The following MYO6 variants were observed in gnomAD, a reference collection of about 807,000 sequenced individuals.
MYO6 encodes myosin VI.
In MYO6, 74 loss-of-function variants were observed where a neutral mutation model predicts 178.7. That is an observed-to-expected ratio of 0.41 (90% CI 0.34 to 0.50). The LOEUF is 0.50. Among genes scored for constraint, MYO6 ranks in the 20% least tolerant of loss-of-function variants. MYO6 has a pLI of 0.09. For missense variants in MYO6, 1,330 were observed against 1,547.4 expected, an observed-to-expected ratio of 0.86 and a Z score of 2.36; for synonymous variants, 477 against 504.6, an observed-to-expected ratio of 0.95 and a Z score of 0.73.
intron 29 of MYO6, among the ~76,000 whole-genome samples, chr6:75,895,514 A>G (rs572796529): frequency 3.7e-4 from 56 of 150,502 alleles, no homozygotes; most frequent in African/African-American, 1.3e-3. Context: ...ATGTATATAT[A>G]TGAATTTTTT....
At chr6:75,864,673 A>T (rs1776497808) in intron 16 of MYO6, among the ~76,000 whole-genome samples, 1 of 152,192 alleles carries the variant, frequency 6.6e-6, no homozygotes. Flanking sequence ...GAGGCATGTG[A>T]CTTAAAAGAC....
chr6:75,880,771 C>A (rs12662879), intron 22 of MYO6, among the ~76,000 whole-genome samples: 3 of 152,010 alleles, frequency 2.0e-5, no homozygotes, highest in African/African-American at 7.2e-5. Context: ...TATAAGAAGC[C>A]GTTATATTGG....
At chr6:75,839,427 A>G (rs1773993545) in intron 7 of MYO6, among the ~76,000 whole-genome samples, 1 of 152,092 alleles carries the variant, frequency 6.6e-6, no homozygotes, top group South Asian at 2.1e-4. Flanking sequence ...AGCCCTCGAG[A>G]TCCGCCTGCC....
At chr6:75,847,487 C>G (rs1197246167) in intron 10 of MYO6, among the ~76,000 whole-genome samples, 1 of 151,526 alleles carries the variant, frequency 6.6e-6, no homozygotes, top group Non-Finnish European at 1.5e-5. Flanking sequence ...TTATGTTTCT[C>G]CTTCTAGTTT....
chr6:75,815,156 G>A (rs12212499), intron 1 of MYO6, among the ~76,000 whole-genome samples: 5,321 of 152,302 alleles, frequency 0.035, 109 homozygotes, highest in Non-Finnish European at 0.054. Context: ...TTTGAACTAA[G>A]ACGGTAGAGG....
In MYO6 at chr6:75,828,458, A is replaced by G. The variant is rs1235538043; in HGVS notation, c.188-82A>G. 1.0e-5 allele frequency: 9 copies of G among 873,500 alleles called. No individual in the cohort carries two copies. In the East Asian group the frequency reaches 1.7e-4, roughly 17 times the overall value. 54.1% of individuals were successfully genotyped at this position (873,500 alleles called of 1,614,324 possible). A position where few individuals can be genotyped will look rare whatever the true frequency, so the allele number is the denominator to read the frequency against. On this transcript the variant is annotated intron_variant, in intron 3 of 34. Coordinates refer to ENST00000369977, the MANE Select transcript of MYO6 (RefSeq NM_004999.4). ...AACAATTGATTTTTAGGATGAGTCAAAGTGATTCAGATTAAGATAGTATTG... is the reference window on the plus strand; with the variant it reads ...AACAATTGATTTTTAGGATGAGTCAGAGTGATTCAGATTAAGATAGTATTG...
intron 1 of MYO6, among the ~76,000 whole-genome samples, chr6:75,777,577 G>A (rs185540993): frequency 3.8e-4 from 57 of 151,770 alleles, no homozygotes; most frequent in Non-Finnish European, 6.5e-4. Flanking sequence ...ACAGGTATGC[G>A]CCACCACACC....
chr6:75,767,237 G>T (rs1778503137), intron 1 of MYO6, among the ~76,000 whole-genome samples: 1 of 151,988 alleles, frequency 6.6e-6, no homozygotes. Flanking sequence ...TGTTGACTAG[G>T]CTGGTCTCGA....
chr6:75,864,955 G>T (rs1776524273), intron 16 of MYO6, among the ~76,000 whole-genome samples: 1 of 152,136 alleles, frequency 6.6e-6, no homozygotes, highest in Admixed American at 6.5e-5. Context: ...GAAATGGTAG[G>T]TTGGGAGTCA....
At chr6:75,826,592 C>T (rs948405071) in intron 3 of MYO6, among the ~76,000 whole-genome samples, 5 of 152,000 alleles carry the variant, frequency 3.3e-5, no homozygotes, top group South Asian at 2.1e-4. Context: ...GAAAGAGGAA[C>T]GTGTAGACCA....
At chr6:75,836,192 G>C (rs1773625833) in intron 7 of MYO6, among the ~76,000 whole-genome samples, 1 of 152,172 alleles carries the variant, frequency 6.6e-6, no homozygotes, top group South Asian at 2.1e-4. Context: ...CCCTTAGAAT[G>C]GTAACTGATA....
intron 18 of MYO6, 134 bp from the exon 19 acceptor site, chr6:75,870,513 T>G (rs1777061792): frequency 2.8e-6 from 2 of 720,672 alleles, no homozygotes; most frequent in South Asian, 3.2e-5. Flanking sequence ...ACCAGGAGGT[T>G]GTTAAACTGG....
At chr6:75,840,275 C>T (rs1239521973) in intron 7 of MYO6, among the ~76,000 whole-genome samples, 5 of 151,408 alleles carry the variant, frequency 3.3e-5, no homozygotes, top group Non-Finnish European at 2.9e-5. Context: ...AATTCTCCTG[C>T]CTCAGTCTCC....
At chr6:75,767,718 G>A (rs1778562508) in intron 1 of MYO6, among the ~76,000 whole-genome samples, 1 of 151,792 alleles carries the variant, frequency 6.6e-6, no homozygotes, top group African/African-American at 2.4e-5. Context: ...CTTTTGCCAT[G>A]TTGCTCAGGC....
intron 5 of MYO6, among the ~76,000 whole-genome samples, chr6:75,831,199 A>T (rs948399055): frequency 6.6e-6 from 1 of 152,148 alleles, no homozygotes; most frequent in Non-Finnish European, 1.5e-5. Context: ...CCAAATGCGG[A>T]GGTGTTAGCT....
intron 11 of MYO6, among the ~76,000 whole-genome samples, chr6:75,851,147 A>C (rs1775228816): frequency 6.6e-6 from 1 of 152,218 alleles, no homozygotes; most frequent in African/African-American, 2.4e-5. Context: ...CACACCTCTT[A>C]TTATTACCCT....
At chr6:75,819,905 A>G (rs1289492107) in intron 2 of MYO6, among the ~76,000 whole-genome samples, 1 of 152,140 alleles carries the variant, frequency 6.6e-6, no homozygotes, top group Non-Finnish European at 1.5e-5. Flanking sequence ...AATTTAAAAA[A>G]TTAGCTGGGT....
chr6:75,860,894 C>A, intron 14 of MYO6, 129 bp from the exon 15 acceptor site: 1 of 730,764 alleles, frequency 1.4e-6, no homozygotes. Context: ...TTTTGGAAAA[C>A]CATTTAAGGC....
At chr6:75,803,892 G>GT (rs1410208394) in intron 1 of MYO6, among the ~76,000 whole-genome samples, 2 of 151,986 alleles carry the variant, frequency 1.3e-5, no homozygotes, top group South Asian at 2.1e-4. Context: ...TTTTCTTTTT[G>GT]TTTTTTGTTT....
Sources: allele counts gnomAD v4.1 joint callset (sites outside exome capture counted in the v4.1 genomes callset), GRCh38; gene constraint gnomAD v4.1.1; transcripts MANE v1.5; gene names NCBI Gene and HGNC (gene_info 2026-07-23, HGNC 2026-07-21).